The following FTO variants were observed in gnomAD, a reference collection of about 807,000 sequenced individuals.
FTO encodes the protein alpha-ketoglutarate-dependent dioxygenase FTO.
FTO carries 47 observed loss-of-function variants against 63.9 expected under a neutral mutation model. The observed-to-expected ratio is 0.74, with a 90% CI of 0.58 to 0.94. The LOEUF (loss-of-function observed/expected upper bound fraction) is 0.94. Among genes scored for constraint, FTO ranks in the 40% least tolerant of loss-of-function variants. The probability of loss-of-function intolerance (pLI) is 0.00; values close to 1 mark genes in which losing one functional copy is unlikely to be tolerated. For synonymous variants in FTO, 207 were observed against 224.4 expected (o/e 0.92, Z 0.69); for missense variants, 562 against 618.1 (o/e 0.91, Z 0.96).
intron 8 of FTO, among the ~76,000 whole-genome samples, chr16:54,098,255 A>G (rs574420630): frequency 6.6e-6 from 1 of 152,304 alleles, no homozygotes; most frequent in African/African-American, 2.4e-5. Flanking sequence ...GAACTGTGTC[A>G]CACAGTTGGT....
chr16:54,009,440 G>A (rs144738026), intron 8 of FTO, among the ~76,000 whole-genome samples: 6 of 152,252 alleles, frequency 3.9e-5, no homozygotes, highest in Admixed American at 6.5e-5. Flanking sequence ...AACTCATATT[G>A]CAAGTCTTGG....
intron 1 of FTO, among the ~76,000 whole-genome samples, chr16:53,741,985 T>C: frequency 6.6e-6 from 1 of 152,318 alleles, no homozygotes; most frequent in African/African-American, 2.4e-5. Context: ...GCCACGTTTC[T>C]GTCTCCATAG....
At chr16:53,977,481 C>G (rs1160113568) in intron 8 of FTO, among the ~76,000 whole-genome samples, 3 of 152,178 alleles carry the variant, frequency 2.0e-5, no homozygotes, top group Non-Finnish European at 2.9e-5. Flanking sequence ...TCATTCATTC[C>G]TAACATTTCT....
chr16:53,888,885 G>T lies in FTO; in HGVS notation c.1173G>T (p.Lys391Asn). ...QFWFQGNRYR[K>N]CTDWWCQPMA... ...GGTTTCAAGGCAATCGATACAGAAA[G>T]TGCACTGACTGGTGGTGTCAACCCA... The change falls in exon 7 of 9, where the codon AAG (lysine) becomes AAT (asparagine). Residue 391 changes from lysine (K) to asparagine (N), a missense_variant. Coordinates refer to ENST00000471389, the MANE Select transcript of FTO (RefSeq NM_001080432.3). 6.2e-7 allele frequency: 1 copy of T among 1,614,060 alleles called. No individual in the cohort carries two copies. The highest frequency in any genetic ancestry group is 8.5e-7 in the Non-Finnish European group (1 of 1,179,902).
chr16:53,964,063 T>C (rs890888230), intron 8 of FTO, among the ~76,000 whole-genome samples: 1 of 152,208 alleles, frequency 6.6e-6, no homozygotes, highest in African/African-American at 2.4e-5. Context: ...TACCAATGTA[T>C]TTCTTAAAAT....
intron 8 of FTO, among the ~76,000 whole-genome samples, chr16:54,080,035 G>A (rs781050608): frequency 1.3e-5 from 2 of 152,010 alleles, no homozygotes; most frequent in African/African-American, 2.4e-5. Flanking sequence ...TCTGTTGGTC[G>A]CTCTCCATAC....
At chr16:54,105,254 A>G (rs2086724948) in intron 8 of FTO, among the ~76,000 whole-genome samples, 1 of 152,254 alleles carries the variant, frequency 6.6e-6, no homozygotes, top group African/African-American at 2.4e-5. Flanking sequence ...GAAGAAAACT[A>G]GGTTTTGTCA....
chr16:54,042,192 G>A (rs1051768999), intron 8 of FTO, among the ~76,000 whole-genome samples: 1 of 150,084 alleles, frequency 6.7e-6, no homozygotes, highest in Non-Finnish European at 1.5e-5. Context: ...TCCATCTGAG[G>A]TACCGGGTTC....
chr16:54,097,293 G>T (rs1406630404), intron 8 of FTO, among the ~76,000 whole-genome samples: 1 of 151,844 alleles, frequency 6.6e-6, no homozygotes, highest in African/African-American at 2.4e-5. Flanking sequence ...ATACCATCTG[G>T]CTTGTTAGGT....
In FTO at chr16:54,116,663, A is replaced by G. The variant is rs2086976922; in HGVS notation, c.*4748A>G. 6.6e-6 allele frequency: 1 copy of G among 152,076 alleles called. No homozygotes were observed. The highest frequency in any genetic ancestry group is 6.6e-5 in the Admixed American group (1 of 15,264). 9.4% of individuals were successfully genotyped at this position (152,076 alleles called of 1,614,324 possible). ...GGCTAAGAATGACTTCCTGCAAGAC[A>G]GCAAGGGCACCCCTGGGCCACTGCT... On this transcript the variant is annotated 3_prime_UTR_variant, in exon 9 of 9. Coordinates refer to ENST00000471389, the MANE Select transcript of FTO (RefSeq NM_001080432.3).
At chr16:53,988,366 T>G (rs1259627225) in intron 8 of FTO, among the ~76,000 whole-genome samples, 5 of 152,170 alleles carry the variant, frequency 3.3e-5, no homozygotes, top group Non-Finnish European at 7.3e-5. Context: ...GGAGCCAGCT[T>G]TATTTTTTAC....
rs1210157949 is a variant in FTO, at chr16:54,116,237, T to G, written c.*4322T>G. ...AAATGCAACTTCTTTTTTTTTTTTC[T>G]TGCTCTAGTTAGGGCTGATTTTACC... On this transcript the variant is annotated 3_prime_UTR_variant, in exon 9 of 9. Coordinates refer to ENST00000471389, the MANE Select transcript of FTO (RefSeq NM_001080432.3). 6.6e-6 allele frequency: 1 copy of G among 152,076 alleles called. No individual in the cohort carries two copies. The highest frequency in any genetic ancestry group is 1.5e-5 in the Non-Finnish European group (1 of 68,004). The allele number at this position is 152,076 out of a possible 1,614,324, so 9.4% of individuals were successfully genotyped here.
chr16:53,974,689 G>A (rs2083397166), intron 8 of FTO, among the ~76,000 whole-genome samples: 1 of 151,110 alleles, frequency 6.6e-6, no homozygotes, highest in African/African-American at 2.5e-5. Flanking sequence ...AATGCTCCCA[G>A]CCTTGTCACT....
At chr16:54,041,840 G>A (rs2085083614) in intron 8 of FTO, among the ~76,000 whole-genome samples, 1 of 152,228 alleles carries the variant, frequency 6.6e-6, no homozygotes, top group African/African-American at 2.4e-5. Flanking sequence ...GGTTGAGAGT[G>A]TCTAACAATC....
At chr16:53,721,716 G>A (rs1199161630) in intron 1 of FTO, among the ~76,000 whole-genome samples, 2 of 152,134 alleles carry the variant, frequency 1.3e-5, no homozygotes, top group African/African-American at 4.8e-5. Flanking sequence ...CAGAGTGATA[G>A]TATTTTCTGG....
At chr16:53,905,310 T>G (rs773776396) in intron 7 of FTO, among the ~76,000 whole-genome samples, 65 of 152,186 alleles carry the variant, frequency 4.3e-4, no homozygotes, top group Non-Finnish European at 6.0e-4. Context: ...CATTTTGTTG[T>G]GTATGACAGT....
chr16:53,833,735 A>G (rs1455497172), intron 3 of FTO, among the ~76,000 whole-genome samples: 1 of 152,218 alleles, frequency 6.6e-6, no homozygotes, highest in East Asian at 1.9e-4. Flanking sequence ...ATCTACGCCA[A>G]CACTTACTGT....
intron 1 of FTO, among the ~76,000 whole-genome samples, chr16:53,751,211 C>A (rs2076781681): frequency 6.6e-6 from 1 of 152,052 alleles, no homozygotes; most frequent in African/African-American, 2.4e-5. Context: ...AGTTCGAGAC[C>A]AGCCCAGGCA....
In FTO at chr16:53,826,409, G is replaced by A. The variant is rs748772299; in HGVS notation, c.669G>A (p.Met223Ile). Residue 223 changes from methionine to isoleucine, a missense_variant, in exon 3 of 9, where the codon ATG (methionine) becomes ATA (isoleucine). Transcript: ENST00000471389. ...TGAAAGAGGAACCTTATTTTGGCAT[G>A]GGGAAAATGGCAGTGAGCTGGCATC... ...PYLKEEPYFG[M>I]GKMAVSWHHD... 1 of 1,614,188 alleles carries A rather than the reference G, an allele frequency of 6.2e-7. No homozygotes were observed. The highest frequency in any genetic ancestry group is 8.5e-7 in the Non-Finnish European group (1 of 1,180,034).
Sources: gnomAD v4.1 joint callset for allele counts (sites outside exome capture counted in the v4.1 genomes callset) on GRCh38, gnomAD v4.1.1 for gene constraint, MANE v1.5 for transcripts, NCBI Gene and HGNC (gene_info 2026-07-23, HGNC 2026-07-21) for gene names.